The following PTCHD4 variants were observed in gnomAD, a reference collection of about 807,000 sequenced individuals.
PTCHD4 encodes the protein patched domain-containing protein 4.
In PTCHD4, 33 loss-of-function variants were observed where a neutral mutation model predicts 58.1. The ratio of observed to expected loss-of-function variants is 0.57; its 90% CI spans 0.43 to 0.76. The LOEUF (loss-of-function observed/expected upper bound fraction) is 0.76, where lower values mean the gene tolerates loss of function less well. PTCHD4 is among the 30% of genes least tolerant of loss of function. The probability of loss-of-function intolerance (pLI) is 0.00; values close to 1 mark genes in which losing one functional copy is unlikely to be tolerated. For synonymous variants in PTCHD4, 478 were observed against 409.6 expected, an observed-to-expected ratio of 1.17 and a Z score of -2.02; for missense variants, 1,058 against 1,027.1, an observed-to-expected ratio of 1.03 and a Z score of -0.41.
intron 4 of PTCHD4, among the ~76,000 whole-genome samples, chr6:47,962,573 G>GGGCT (rs1561980148): frequency 1.3e-5 from 2 of 151,898 alleles, no homozygotes; most frequent in Non-Finnish European, 2.9e-5. Flanking sequence ...AGGTTATAAG[G>GGGCT]GGCTCTTCCC....
chr6:47,976,642 G>T (rs182799912), intron 4 of PTCHD4, among the ~76,000 whole-genome samples: 1 of 144,796 alleles, frequency 6.9e-6, no homozygotes, highest in Non-Finnish European at 1.5e-5. Flanking sequence ...CCACAAGAGC[G>T]GGACTCCATA....
At chr6:47,943,874 G>T (rs113005152) in intron 4 of PTCHD4, among the ~76,000 whole-genome samples, 6,336 of 151,986 alleles carry the variant, frequency 0.042, 240 homozygotes, top group African/African-American at 0.1. Flanking sequence ...TTGTCAAAAT[G>T]TCAGGGTCAT....
chr6:48,071,034 G>A (rs931146946), intron 1 of PTCHD4, among the ~76,000 whole-genome samples: 1 of 152,184 alleles, frequency 6.6e-6, no homozygotes, highest in Non-Finnish European at 1.5e-5. Context: ...AAGGACACTA[G>A]AAATGACAGA....
At chr6:47,990,885 G>C (rs527891930) in intron 4 of PTCHD4, among the ~76,000 whole-genome samples, 2 of 152,136 alleles carry the variant, frequency 1.3e-5, no homozygotes, top group African/African-American at 4.8e-5. Flanking sequence ...AATATGTTTA[G>C]CTACATATTC....
In PTCHD4 at chr6:48,031,604, G is replaced by C. The variant is rs138670043; in HGVS notation, c.418-22490C>G. 2.8e-3 allele frequency among the ~76,000 whole-genome samples: 430 copies of C among 152,154 alleles called. 1 individual carries two copies. Among genetic ancestry groups the C allele is most frequent in the Middle Eastern group, 0.017 (5 of 294 alleles). On this transcript the variant is annotated intron_variant, in intron 3 of 4. Coordinates refer to ENST00000339488, the MANE Select transcript of PTCHD4 (RefSeq NM_001384253.1). The stretch of plus-strand genomic sequence containing the variant: ...TGAAGAATGTGAGAATAGAAGCCGT[G>C]GGGGGAATCCATGGGAATAGGGAAA...
chr6:47,962,625 G>T (rs115248122), intron 4 of PTCHD4, among the ~76,000 whole-genome samples: 1 of 152,022 alleles, frequency 6.6e-6, no homozygotes, highest in Non-Finnish European at 1.5e-5. Flanking sequence ...TTGTGAAGAA[G>T]GTTTGTTGCT....
Position 48,068,503 on chromosome 6 carries a change from G to T in PTCHD4, c.144C>A (p.Val48=), listed in dbSNP as rs371439867. 2.5e-6 allele frequency: 4 copies of T among 1,613,200 alleles called. No homozygotes were observed. In the Admixed American group the frequency reaches 6.7e-5, roughly 27 times the overall value. ...CGCTGAGGCCGAAGGTGATTGTCAG[G>T]ACTGCGGGCACGGTGAGGAAAAAGA... ...HPVFFLTVPA[V]LTITFGLSAL... Residue 48 remains valine, a synonymous_variant, in exon 3 of 5, where the codon GTC becomes GTA. Coordinates refer to ENST00000339488, the MANE Select transcript of PTCHD4 (RefSeq NM_001384253.1). The surrounding 1 kb of genome is among the most constrained non-coding windows in gnomAD (Gnocchi z 4.2).
In PTCHD4 at chr6:47,858,392, T is replaced by C. The variant is rs1049855082; in HGVS notation, c.*19911A>G. Among the ~76,000 whole-genome samples, 2 of 151,940 alleles carry C rather than the reference T, an allele frequency of 1.3e-5. No homozygotes were observed. The highest frequency in any genetic ancestry group is 4.8e-5 in the African/African-American group (2 of 41,376). On this transcript the variant is annotated 3_prime_UTR_variant, in exon 5 of 5. Transcript: ENST00000339488. ...ACCTTAACTTCAAGATTCAAGTGGATAAAAATATAAGTAACAATCTCAGCT... is the reference window on the plus strand; with the variant it reads ...ACCTTAACTTCAAGATTCAAGTGGACAAAAATATAAGTAACAATCTCAGCT...
chr6:47,979,568 A>G (rs1158104101), intron 4 of PTCHD4, among the ~76,000 whole-genome samples: 2 of 152,086 alleles, frequency 1.3e-5, no homozygotes, highest in African/African-American at 2.4e-5. Flanking sequence ...ATTTATAATA[A>G]CATGTAGGAA....
At chr6:48,035,137 G>A (rs532808879) in intron 3 of PTCHD4, among the ~76,000 whole-genome samples, 1 of 151,904 alleles carries the variant, frequency 6.6e-6, no homozygotes, top group Non-Finnish European at 1.5e-5. Context: ...GATGAATAAG[G>A]CTCTCTTTAT....
rs987285376 is a variant in PTCHD4, at chr6:47,865,526, A to C, written c.*12777T>G. Among the ~76,000 whole-genome samples, 1 of 151,866 alleles carries C rather than the reference A, an allele frequency of 6.6e-6. No individual in the cohort carries two copies. Among genetic ancestry groups the C allele is most frequent in the African/African-American group, 2.4e-5 (1 of 41,390 alleles). On this transcript the variant is annotated 3_prime_UTR_variant, in exon 5 of 5. Coordinates refer to ENST00000339488, the MANE Select transcript of PTCHD4 (RefSeq NM_001384253.1). ...AACTAGTTACTGTTATACCACATTA[A>C]ATTCACTAATGTGAATATTGTTGTG...
At chr6:48,062,898 G>A (rs1037268902) in intron 3 of PTCHD4, among the ~76,000 whole-genome samples, 1 of 152,112 alleles carries the variant, frequency 6.6e-6, no homozygotes, top group African/African-American at 2.4e-5. Flanking sequence ...TCCCTGGCCT[G>A]ACTCTATCAT....
At position 47,869,045 on chromosome 6, in the gene PTCHD4, C is replaced by A. The variant is rs147291639; in HGVS notation, c.*9258G>T. On this transcript the variant is annotated 3_prime_UTR_variant, in exon 5 of 5. Transcript: ENST00000339488. The stretch of plus-strand genomic sequence containing the variant: ...TGAGGAGAGCTTTGCAATGATAAAG[C>A]TTTTGAAGTGGCTTGTGGAATATTA... Among the ~76,000 whole-genome samples, 426 of 151,724 alleles carry A rather than the reference C, an allele frequency of 2.8e-3. 3 individuals are homozygous for A. Among genetic ancestry groups the A allele is most frequent in the African/African-American group, 9.6e-3 (397 of 41,436 alleles).
At chr6:47,886,837 C>T (rs1202673290) in intron 4 of PTCHD4, among the ~76,000 whole-genome samples, 2 of 152,196 alleles carry the variant, frequency 1.3e-5, no homozygotes, top group Non-Finnish European at 2.9e-5. Flanking sequence ...TCTCACCACT[C>T]GAACATGCGT....
At chr6:47,903,607 G>A (rs538670503) in intron 4 of PTCHD4, among the ~76,000 whole-genome samples, 3 of 152,230 alleles carry the variant, frequency 2.0e-5, no homozygotes, top group Admixed American at 6.5e-5. Context: ...AAGCAACCAT[G>A]CCTGGCCCAT....
chr6:48,003,768 C>T (rs907300956), intron 4 of PTCHD4, among the ~76,000 whole-genome samples: 3 of 152,158 alleles, frequency 2.0e-5, no homozygotes, highest in East Asian at 1.9e-4. Flanking sequence ...CTCTTAGACC[C>T]CTTCTTGTAA....
chr6:47,974,148 A>G (rs1195663988), intron 4 of PTCHD4, among the ~76,000 whole-genome samples: 1 of 152,214 alleles, frequency 6.6e-6, no homozygotes, highest in East Asian at 1.9e-4. Context: ...GAGAAATGCC[A>G]TAGACAACAA....
intron 4 of PTCHD4, among the ~76,000 whole-genome samples, chr6:48,003,624 T>C (rs192981430): frequency 1.3e-5 from 2 of 152,364 alleles, no homozygotes; most frequent in Non-Finnish European, 2.9e-5. Context: ...TGCAAATTAA[T>C]TTATGTAATG....
chr6:47,966,280 A>G (rs901747863), intron 4 of PTCHD4, among the ~76,000 whole-genome samples: 1 of 152,252 alleles, frequency 6.6e-6, no homozygotes, highest in Non-Finnish European at 1.5e-5. Context: ...ATATAAAAAT[A>G]TGTTTGCACT....
Sources: gnomAD v4.1 joint callset for allele counts (sites outside exome capture counted in the v4.1 genomes callset) on GRCh38, gnomAD v4.1.1 for gene constraint, Gnocchi (gnomAD v3.1) non-coding constraint, MANE v1.5 for transcripts, NCBI Gene and HGNC (gene_info 2026-07-23, HGNC 2026-07-21) for gene names.